The following STPG2 variants were observed in gnomAD, a reference collection of about 807,000 sequenced individuals.
STPG2 encodes sperm-tail PG-rich repeat-containing protein 2.
Under a neutral mutation model 54.2 loss-of-function variants are expected in STPG2, and 56 were observed. The observed-to-expected ratio is 1.03, with a 90% confidence interval of 0.83 to 1.29. STPG2 has a LOEUF of 1.29. Among genes scored for constraint, STPG2 ranks in the 50% most tolerant of loss-of-function variants. The pLI, the probability that STPG2 is intolerant of heterozygous loss-of-function variation, is 0.00. For missense variants in STPG2, 596 were observed against 544.9 expected (o/e 1.09, Z -0.93); for synonymous variants, 200 against 181.8 (o/e 1.10, Z -0.81).
chr4:97,706,919 G>A (rs1216796090), intron 10 of STPG2, among the ~76,000 whole-genome samples: 1 of 152,114 alleles, frequency 6.6e-6, no homozygotes, highest in Admixed American at 6.5e-5. Flanking sequence ...GGGTTTAATT[G>A]AAGGAAAAAT....
chr4:97,655,746 C>A (rs6857531), intron 10 of STPG2, among the ~76,000 whole-genome samples: 2,089 of 152,192 alleles, frequency 0.014, 43 homozygotes, highest in African/African-American at 0.048. Context: ...TGCACTATTA[C>A]AAGCTAGTTT....
chr4:98,006,165 C>T (rs1399969534), intron 5 of STPG2, among the ~76,000 whole-genome samples: 2 of 152,028 alleles, frequency 1.3e-5, no homozygotes, highest in Non-Finnish European at 2.9e-5. Flanking sequence ...GGAATTCAAC[C>T]AAAAAGTAAA....
At chr4:98,077,299 A>G (rs945652233) in intron 5 of STPG2, among the ~76,000 whole-genome samples, 2 of 152,016 alleles carry the variant, frequency 1.3e-5, no homozygotes, top group Non-Finnish European at 2.9e-5. Flanking sequence ...GCTGGAGTGC[A>G]GTGGCACGAT....
At chr4:97,634,046 G>C (rs1030039708) in intron 10 of STPG2, among the ~76,000 whole-genome samples, 19 of 152,258 alleles carry the variant, frequency 1.2e-4, no homozygotes, top group African/African-American at 4.1e-4. Context: ...GCAGGGCACA[G>C]ACAAACAAAA....
chr4:98,062,346 G>A (rs961358999), intron 5 of STPG2, among the ~76,000 whole-genome samples: 1 of 152,014 alleles, frequency 6.6e-6, no homozygotes, highest in Non-Finnish European at 1.5e-5. Context: ...CAACTATTGG[G>A]TACTGGGCTT....
intron 10 of STPG2, among the ~76,000 whole-genome samples, chr4:97,667,378 G>GT (rs1198374523): frequency 1.3e-5 from 2 of 152,126 alleles, no homozygotes; most frequent in African/African-American, 4.8e-5. Flanking sequence ...TTTGTATTTT[G>GT]TGACAGTTGG....
At chr4:97,902,249 T>A (rs1413355244) in intron 8 of STPG2, among the ~76,000 whole-genome samples, 5 of 152,020 alleles carry the variant, frequency 3.3e-5, no homozygotes, top group East Asian at 1.9e-4. Flanking sequence ...TTGGAAATAA[T>A]CTCATGGATC....
At chr4:97,518,160 C>T (rs1315186045) in intron 4 of STPG2, among the ~76,000 whole-genome samples, 1 of 152,098 alleles carries the variant, frequency 6.6e-6, no homozygotes, top group Non-Finnish European at 1.5e-5. Flanking sequence ...GCTGACATAA[C>T]TTCTCTCTAG....
At chr4:97,896,942 C>T (rs967695137) in intron 8 of STPG2, among the ~76,000 whole-genome samples, 2 of 151,526 alleles carry the variant, frequency 1.3e-5, no homozygotes, top group Non-Finnish European at 3.0e-5. Flanking sequence ...GGTACATGTG[C>T]AGGATTGTTA....
At chr4:97,814,107 CCAAA>C (rs1377094267) in intron 9 of STPG2, among the ~76,000 whole-genome samples, 4 of 152,030 alleles carry the variant, frequency 2.6e-5, no homozygotes, top group Middle Eastern at 3.2e-3. Context: ...GATAGTTCCT[CCAAA>C]CAGACATAAC....
chr4:98,051,952 T>C (rs1337200119), intron 5 of STPG2, among the ~76,000 whole-genome samples: 1 of 151,902 alleles, frequency 6.6e-6, no homozygotes, highest in African/African-American at 2.4e-5. Flanking sequence ...CCAGGTGTGG[T>C]GGTGCAAGCC....
chr4:97,942,477 T>C (rs1227896282), intron 8 of STPG2, among the ~76,000 whole-genome samples: 1 of 136,664 alleles, frequency 7.3e-6, no homozygotes, highest in Admixed American at 8.1e-5. Context: ...AGAATATTGC[T>C]AGATGATTTT....
chr4:97,552,199 T>C (rs565101424), intron 4 of STPG2, among the ~76,000 whole-genome samples: 3 of 152,274 alleles, frequency 2.0e-5, no homozygotes, highest in African/African-American at 4.8e-5. Flanking sequence ...AGGGAGAACA[T>C]GGGCAAACTA....
At chr4:97,664,408 G>A (rs535543328) in intron 10 of STPG2, among the ~76,000 whole-genome samples, 25 of 152,236 alleles carry the variant, frequency 1.6e-4, no homozygotes, top group African/African-American at 5.1e-4. Context: ...GGCACTTCAC[G>A]TACTTTCTCA....
chr4:97,614,282 T>C (rs1233445564), intron 10 of STPG2, among the ~76,000 whole-genome samples: 4 of 145,424 alleles, frequency 2.8e-5, no homozygotes, highest in Non-Finnish European at 4.5e-5. Flanking sequence ...AAGAAAAATA[T>C]GTGCCCTCTA....
intron 9 of STPG2, among the ~76,000 whole-genome samples, chr4:97,774,554 G>A (rs764839419): frequency 4.6e-5 from 7 of 151,944 alleles, no homozygotes; most frequent in Non-Finnish European, 8.8e-5. Context: ...TTTACAGTAA[G>A]GAGTAGGATG....
intron 9 of STPG2, among the ~76,000 whole-genome samples, chr4:97,723,245 G>A (rs540031800): frequency 2.0e-5 from 3 of 151,086 alleles, no homozygotes; most frequent in Admixed American, 2.0e-4. Flanking sequence ...TTTTATAGTC[G>A]TTACTTTTGG....
chr4:97,486,380 A>C (rs1730359482), intron 4 of STPG2, among the ~76,000 whole-genome samples: 1 of 151,986 alleles, frequency 6.6e-6, no homozygotes, highest in African/African-American at 2.4e-5. Flanking sequence ...ACAATTCCCA[A>C]AACAAGATAT....
intron 9 of STPG2, among the ~76,000 whole-genome samples, chr4:97,723,753 G>A (rs1301603817): frequency 6.6e-6 from 1 of 152,164 alleles, no homozygotes; most frequent in Admixed American, 6.5e-5. Context: ...ATGGTGGAAG[G>A]TGAAAGGGAA....
Sources: allele counts gnomAD v4.1 joint callset (sites outside exome capture counted in the v4.1 genomes callset), GRCh38; gene constraint gnomAD v4.1.1; transcripts MANE v1.5; gene names NCBI Gene and HGNC (gene_info 2026-07-23, HGNC 2026-07-21).